Variants in MKLN1 observed in about 807,000 individuals in gnomAD.
MKLN1 encodes muskelin 1.
MKLN1 carries 18 observed loss-of-function variants against 99.0 expected under a neutral mutation model. The observed-to-expected ratio is 0.18, with a 90% CI of 0.13 to 0.27. The LOEUF is 0.27. Among genes scored for constraint, MKLN1 ranks in the 10% least tolerant of loss-of-function variants. MKLN1 has a pLI of 1.00. For missense variants in MKLN1, 621 were observed against 875.9 expected (o/e 0.71, Z 3.67); for synonymous variants, 288 against 293.2 (o/e 0.98, Z 0.18).
chr7:131,466,054 T>TATA (rs1796653238), intron 14 of MKLN1, among the ~76,000 whole-genome samples: 1 of 152,236 alleles, frequency 6.6e-6, no homozygotes, highest in Non-Finnish European at 1.5e-5. Flanking sequence ...GTTATGGTAA[T>TATA]ATAACTCACT....
At chr7:131,291,105 A>T (rs776579206) in intron 3 of MKLN1, among the ~76,000 whole-genome samples, 9 of 68,404 alleles carry the variant, frequency 1.3e-4, no homozygotes, top group Non-Finnish European at 2.2e-4. Context: ...ATTTTATTTT[A>T]TTTATTTATT....
chr7:131,492,964 C>T lies in MKLN1; in HGVS notation c.*5236C>T, dbSNP rs1167725336. On this transcript the variant is annotated 3_prime_UTR_variant, in exon 18 of 18. Transcript: ENST00000352689. ...GTTTTATATTGTGAACTGGATCCCA[C>T]TTAACAGCTTAAAAACACAAAAATG... The T allele has an allele frequency of 6.6e-6, 1 of 152,086 alleles. No individual in the cohort carries two copies. The highest frequency in any genetic ancestry group is 2.4e-5 in the African/African-American group (1 of 41,406). The allele number at this position is 152,086 out of a possible 1,614,324, so 9.4% of individuals were successfully genotyped here.
At chr7:131,199,256 TAA>T (rs71769046) in intron 2 of MKLN1, among the ~76,000 whole-genome samples, 15,656 of 144,992 alleles carry the variant, frequency 0.11, 900 homozygotes, top group Admixed American at 0.16. Context: ...GAACTCACAT[TAA>T]AAAAAAAAAA....
At chr7:131,134,409 CTATT>C (rs1290583157) in intron 1 of MKLN1, among the ~76,000 whole-genome samples, 2 of 152,048 alleles carry the variant, frequency 1.3e-5, no homozygotes, top group Non-Finnish European at 2.9e-5. Flanking sequence ...CCAAGATATC[CTATT>C]TATTACGAGG....
At position 131,387,296 on chromosome 7, in the gene MKLN1, C is replaced by G. The variant is rs185718525; in HGVS notation, c.311+34C>G. On this transcript the variant is annotated intron_variant, in intron 3 of 17. Transcript: ENST00000352689. ...TGGTTATGTTGAAGAGAGCTGTCTT[C>G]TAAACAAAACGTAGTCTTAGTCTTT... 13 of 1,568,798 alleles carry G rather than the reference C, an allele frequency of 8.3e-6. No homozygotes were observed. The African/African-American group carries it at 1.6e-4, about 20-fold the overall frequency.
chr7:131,400,518 A>AAAAATATATATATATATAT (rs527702723), intron 6 of MKLN1, among the ~76,000 whole-genome samples: 1 of 137,436 alleles, frequency 7.3e-6, no homozygotes, highest in African/African-American at 2.8e-5. Context: ...ATAAAAAAAA[A>AAAAATATATATATATATAT]ATATATATAT....
intron 2 of MKLN1, among the ~76,000 whole-genome samples, chr7:131,161,934 T>C (rs1047907356): frequency 7.0e-6 from 1 of 142,952 alleles, no homozygotes; most frequent in Non-Finnish European, 1.5e-5. Flanking sequence ...TATATACATA[T>C]ATACACATAT....
intron 1 of MKLN1, among the ~76,000 whole-genome samples, chr7:131,367,509 C>T (rs917084810): frequency 1.3e-5 from 2 of 152,042 alleles, no homozygotes; most frequent in East Asian, 1.9e-4. Context: ...TGGTCACAAT[C>T]GCTTTGGTTG....
At chr7:131,143,487 A>G (rs1754221410) in intron 2 of MKLN1, among the ~76,000 whole-genome samples, 1 of 151,892 alleles carries the variant, frequency 6.6e-6, no homozygotes, top group East Asian at 1.9e-4. Flanking sequence ...AAAATTCTTC[A>G]TCATTGCTCT....
rs1379548820 is a variant in MKLN1, at chr7:131,161,700, C to T, written c.-297+18759C>T. Among the ~76,000 whole-genome samples the T allele has an allele frequency of 5.3e-5, 8 of 151,972 alleles. 1 individual carries two copies. Among genetic ancestry groups the T allele is most frequent in the African/African-American group, 1.9e-4 (8 of 41,474 alleles). On this transcript the variant is annotated intron_variant, in intron 2 of 7. Coordinates refer to the MKLN1 transcript ENST00000416992. ...CCGAGTAGCTGGGACTACAGGCGCC[C>T]GCCACCACGCCCAGCTAATTTTTTG...
At chr7:131,436,241 T>A (rs2116465858) in intron 9 of MKLN1, among the ~76,000 whole-genome samples, 1 of 152,296 alleles carries the variant, frequency 6.6e-6, no homozygotes, top group South Asian at 2.1e-4. Context: ...TTTCACTTAA[T>A]TAATACTGCT....
chr7:131,221,674 A>ATTT (rs1162923537), intron 3 of MKLN1, among the ~76,000 whole-genome samples: 1 of 128,858 alleles, frequency 7.8e-6, no homozygotes, highest in Non-Finnish European at 1.7e-5. Flanking sequence ...CACCCGGCTA[A>ATTT]TTTTTTTTTT....
At chr7:131,236,237 T>C (rs1489771534) in intron 3 of MKLN1, among the ~76,000 whole-genome samples, 2 of 152,292 alleles carry the variant, frequency 1.3e-5, no homozygotes, top group African/African-American at 4.8e-5. Flanking sequence ...ATTTGCCCAA[T>C]AGCTGAGGGT....
chr7:131,466,986 G>T (rs1796683531), intron 15 of MKLN1, among the ~76,000 whole-genome samples: 1 of 152,082 alleles, frequency 6.6e-6, no homozygotes, highest in Non-Finnish European at 1.5e-5. Context: ...AGCCTAGAAG[G>T]TAATAAACTA....
At chr7:131,159,480 A>G (rs1022449109) in intron 2 of MKLN1, among the ~76,000 whole-genome samples, 1 of 152,158 alleles carries the variant, frequency 6.6e-6, no homozygotes, top group Non-Finnish European at 1.5e-5. Flanking sequence ...TGAGACAAAT[A>G]TCAAATGTTC....
At chr7:131,282,551 G>A (rs988498195) in intron 3 of MKLN1, among the ~76,000 whole-genome samples, 4 of 152,258 alleles carry the variant, frequency 2.6e-5, no homozygotes, top group Non-Finnish European at 5.9e-5. Context: ...GAGGAGGGAC[G>A]TGGAGGCTAT....
intron 16 of MKLN1, among the ~76,000 whole-genome samples, chr7:131,476,927 C>G (rs1796983575): frequency 6.6e-6 from 1 of 152,158 alleles, no homozygotes; most frequent in African/African-American, 2.4e-5. Context: ...CAGAAGTAGA[C>G]CCATACGTAT....
chr7:131,368,350 T>C (rs566125450), intron 1 of MKLN1, among the ~76,000 whole-genome samples: 1 of 152,212 alleles, frequency 6.6e-6, no homozygotes, highest in Admixed American at 6.5e-5. Context: ...GAGCCTGATT[T>C]GATTTTCTGA....
chr7:131,132,726 G>C lies in MKLN1; in HGVS notation c.-418-10094G>C, dbSNP rs180903238. 1.1e-4 allele frequency among the ~76,000 whole-genome samples: 17 copies of C among 151,918 alleles called. No individual in the cohort carries two copies. The East Asian group carries it at 3.3e-3, about 30-fold the overall frequency. On this transcript the variant is annotated intron_variant, in intron 1 of 7. Coordinates refer to the MKLN1 transcript ENST00000416992. ...ATCACAAGGTCAGGAGATCAAGACCGGCCTGGCCTGGCCAACATGGTGAAA... is the reference window on the plus strand; with the variant it reads ...ATCACAAGGTCAGGAGATCAAGACCCGCCTGGCCTGGCCAACATGGTGAAA...
Sources: allele counts gnomAD v4.1 joint callset (sites outside exome capture counted in the v4.1 genomes callset), GRCh38; gene constraint gnomAD v4.1.1; transcripts MANE v1.5; gene names NCBI Gene and HGNC (gene_info 2026-07-23, HGNC 2026-07-21).